The following KCNAB1 variants were observed in gnomAD, a reference collection of about 807,000 sequenced individuals.
The protein encoded by KCNAB1 is potassium voltage-gated channel subfamily A regulatory beta subunit 1.
In KCNAB1, 35 loss-of-function variants were observed where a neutral mutation model predicts 64.6. The ratio of observed to expected loss-of-function variants is 0.54; its 90% CI spans 0.41 to 0.72. The LOEUF (loss-of-function observed/expected upper bound fraction) is 0.72, where lower values mean the gene tolerates loss of function less well. Among genes scored for constraint, KCNAB1 ranks in the 30% least tolerant of loss-of-function variants. The pLI, the probability that KCNAB1 is intolerant of heterozygous loss-of-function variation, is 0.00. For synonymous variants in KCNAB1, 177 were observed against 183.8 expected (o/e 0.96, Z 0.30); for missense variants, 401 against 512.9 (o/e 0.78, Z 2.11).
At chr3:156,129,861 G>A (rs897306653) in intron 1 of KCNAB1, among the ~76,000 whole-genome samples, 1 of 152,198 alleles carries the variant, frequency 6.6e-6, no homozygotes, top group Admixed American at 6.5e-5. Flanking sequence ...TTCCCTCCTC[G>A]TTTAACTTAG....
At chr3:156,208,509 A>G (rs1296242326) in intron 1 of KCNAB1, among the ~76,000 whole-genome samples, 1 of 152,134 alleles carries the variant, frequency 6.6e-6, no homozygotes, top group Non-Finnish European at 1.5e-5. Context: ...AAATTTCCAA[A>G]TGACCCCTCT....
At chr3:156,247,331 C>T (rs1717518956) in intron 1 of KCNAB1, among the ~76,000 whole-genome samples, 2 of 152,120 alleles carry the variant, frequency 1.3e-5, no homozygotes. Flanking sequence ...TTCTACTGGA[C>T]AAAATAAATC....
intron 1 of KCNAB1, among the ~76,000 whole-genome samples, chr3:156,300,528 C>T (rs556114436): frequency 6.6e-6 from 1 of 152,294 alleles, no homozygotes; most frequent in Non-Finnish European, 1.5e-5. Flanking sequence ...AAAGTCTAGA[C>T]TTTTCAGTAT....
intron 1 of KCNAB1, among the ~76,000 whole-genome samples, chr3:156,151,790 T>C (rs1481699603): frequency 1.3e-5 from 2 of 152,226 alleles, no homozygotes; most frequent in Non-Finnish European, 2.9e-5. Flanking sequence ...TAATCTACCA[T>C]TGTATTCTAA....
intron 1 of KCNAB1, chr3:156,176,940 T>C: frequency 1.2e-6 from 1 of 803,704 alleles, no homozygotes; most frequent in Non-Finnish European, 2.0e-6. Context: ...CTTTGGGTTT[T>C]TGAGGCCCAC....
intron 1 of KCNAB1, among the ~76,000 whole-genome samples, chr3:156,365,189 C>T (rs983894174): frequency 6.6e-6 from 1 of 152,198 alleles, no homozygotes; most frequent in African/African-American, 2.4e-5. Context: ...AACTCTTACT[C>T]ACTGTGTAAC....
chr3:156,202,427 T>C (rs1343038780), intron 1 of KCNAB1, among the ~76,000 whole-genome samples: 1 of 152,204 alleles, frequency 6.6e-6, no homozygotes, highest in Non-Finnish European at 1.5e-5. Context: ...CTTCCCTCCA[T>C]CCACTCTCAA....
intron 1 of KCNAB1, among the ~76,000 whole-genome samples, chr3:156,218,801 A>AAAT (rs1553822950): frequency 0.03 from 3,414 of 112,096 alleles, 230 homozygotes; most frequent in South Asian, 0.22. Flanking sequence ...AAAAAAAAAA[A>AAAT]AATAATAATA....
chr3:156,322,055 C>T (rs1553847028), intron 1 of KCNAB1, among the ~76,000 whole-genome samples: 1 of 152,196 alleles, frequency 6.6e-6, no homozygotes, highest in Non-Finnish European at 1.5e-5. Context: ...CATTTAGGGA[C>T]ACAAACAAGT....
At chr3:156,457,966 A>C (rs192118286) in intron 4 of KCNAB1, among the ~76,000 whole-genome samples, 3 of 152,296 alleles carry the variant, frequency 2.0e-5, no homozygotes, top group African/African-American at 7.2e-5. Context: ...CCCCTGAGGA[A>C]CTGGGACATC....
chr3:156,120,215 A>T (rs1713252583), upstream of KCNAB1, among the ~76,000 whole-genome samples: 1 of 152,254 alleles, frequency 6.6e-6, no homozygotes, highest in South Asian at 2.1e-4. Flanking sequence ...GAGCCTCCAG[A>T]AATCTTTTAT....
intron 1 of KCNAB1, among the ~76,000 whole-genome samples, chr3:156,394,923 C>T (rs1713312483): frequency 6.6e-6 from 1 of 152,160 alleles, no homozygotes; most frequent in Middle Eastern, 3.2e-3. Context: ...CAGCTCATTG[C>T]AAACGTGGAA....
At chr3:156,324,541 A>G (rs1167348168) in intron 1 of KCNAB1, among the ~76,000 whole-genome samples, 1 of 152,086 alleles carries the variant, frequency 6.6e-6, no homozygotes, top group Non-Finnish European at 1.5e-5. Flanking sequence ...TTGAGCACCT[A>G]CTTTGTGCCA....
chr3:156,242,423 G>A (rs1156592516), intron 1 of KCNAB1, among the ~76,000 whole-genome samples: 3 of 152,074 alleles, frequency 2.0e-5, no homozygotes, highest in Non-Finnish European at 4.4e-5. Flanking sequence ...CCAATTCGTA[G>A]TCTTTTATCC....
At chr3:156,428,488 TAC>T (rs4056995) in intron 2 of KCNAB1, among the ~76,000 whole-genome samples, 18,458 of 127,304 alleles carry the variant, frequency 0.14, 1,162 homozygotes, top group Middle Eastern at 0.21. Context: ...AATTCCTCTA[TAC>T]ACACACACAC....
At chr3:156,359,366 A>G (rs1213146591) in intron 1 of KCNAB1, among the ~76,000 whole-genome samples, 2 of 152,188 alleles carry the variant, frequency 1.3e-5, no homozygotes, top group Non-Finnish European at 2.9e-5. Context: ...TCAGAGGCCA[A>G]ACGTCCATGA....
intron 1 of KCNAB1, among the ~76,000 whole-genome samples, chr3:156,181,682 G>T (rs1236981015): frequency 1.3e-5 from 2 of 152,166 alleles, no homozygotes; most frequent in African/African-American, 4.8e-5. Context: ...CTCCATGGAG[G>T]CTTACCTCAA....
At chr3:156,469,248 CTTTTTTTTT>C (rs34567814) in intron 7 of KCNAB1, among the ~76,000 whole-genome samples, 22 of 72,956 alleles carry the variant, frequency 3.0e-4, no homozygotes, top group African/African-American at 1.0e-3. Context: ...TTCTTTCTTT[CTTTTTTTTT>C]TTTTTTTTTT....
At chr3:156,423,702 T>C (rs913259916) in intron 2 of KCNAB1, among the ~76,000 whole-genome samples, 56 of 151,980 alleles carry the variant, frequency 3.7e-4, no homozygotes, top group African/African-American at 1.3e-3. Context: ...TGGGTTTTTG[T>C]TTTTTTACAT....
Sources: allele counts gnomAD v4.1 joint callset (sites outside exome capture counted in the v4.1 genomes callset), GRCh38; gene constraint gnomAD v4.1.1; transcripts MANE v1.5; gene names NCBI Gene and HGNC (gene_info 2026-07-23, HGNC 2026-07-21).